PNO1: variants seen among roughly 807,000 people sequenced by gnomAD.
PNO1 encodes the protein partner of NOB1 homolog, also known as RNA-binding protein PNO1.
PNO1 carries 16 observed loss-of-function variants against 28.4 expected under a neutral mutation model. The observed-to-expected ratio is 0.56, with a 90% CI of 0.38 to 0.85. PNO1 has a LOEUF of 0.85. PNO1 is among the 40% of genes least tolerant of loss of function. The pLI, the probability that PNO1 is intolerant of heterozygous loss-of-function variation, is 0.00. For missense variants in PNO1, 304 were observed against 312.2 expected (o/e 0.97, Z 0.20); for synonymous variants, 115 against 110.8 (o/e 1.04, Z -0.24).
At chr2:68,158,311 C>A in intron 1 of PNO1, 69 bp from the exon 2 acceptor site, 1 of 1,472,976 alleles carries the variant, frequency 6.8e-7, no homozygotes, top group Non-Finnish European at 9.2e-7. Context: ...CTTTGTGGAT[C>A]AGATGTCATT....
At chr2:68,160,037 C>T (rs144675826) in intron 2 of PNO1, among the ~76,000 whole-genome samples, 3,649 of 145,736 alleles carry the variant, frequency 0.025, 134 homozygotes, top group African/African-American at 0.085. Flanking sequence ...GTCGCAATCT[C>T]GGCTCACTGC....
At chr2:68,164,104 T>C (rs1444654256) in intron 5 of PNO1, among the ~76,000 whole-genome samples, 1 of 152,220 alleles carries the variant, frequency 6.6e-6, no homozygotes, top group Admixed American at 6.5e-5. Context: ...TATAATTATA[T>C]TGTTTGATCT....
chr2:68,175,203 G>A lies in PNO1; in HGVS notation c.*401G>A, dbSNP rs1269076353. 1 of 153,200 alleles carries A rather than the reference G, an allele frequency of 6.5e-6. No individual in the cohort carries two copies. The allele number at this position is 153,200 out of a possible 1,614,324, so 9.5% of individuals were successfully genotyped here. A position where few individuals can be genotyped will look rare whatever the true frequency, so the allele number is the denominator to read the frequency against. ...TTTCTTTATAAATTGTAATTTAATA[G>A]ATTATCTCAGAAAAACCTCTCTGAA... On this transcript the variant is annotated 3_prime_UTR_variant, in exon 7 of 7. Coordinates refer to ENST00000263657, the MANE Select transcript of PNO1 (RefSeq NM_020143.4).
intron 5 of PNO1, among the ~76,000 whole-genome samples, chr2:68,166,549 TG>T (rs578237535): frequency 1.0e-3 from 155 of 152,202 alleles, no homozygotes; most frequent in Admixed American, 1.8e-3. Flanking sequence ...AGGAGGAAGA[TG>T]TGGAAGGCGA....
chr2:68,168,479 G>C (rs527643548), intron 5 of PNO1, among the ~76,000 whole-genome samples: 1 of 152,224 alleles, frequency 6.6e-6, no homozygotes, highest in South Asian at 2.1e-4. Flanking sequence ...AGGGAAGCTG[G>C]GGTCAATCTG....
At chr2:68,164,970 G>A (rs1020101807) in intron 5 of PNO1, among the ~76,000 whole-genome samples, 16 of 151,914 alleles carry the variant, frequency 1.1e-4, no homozygotes, top group Non-Finnish European at 2.2e-4. Flanking sequence ...AGAGCATTCC[G>A]AGTGTGTACC....
intron 5 of PNO1, among the ~76,000 whole-genome samples, chr2:68,170,532 T>G (rs966937985): frequency 1.4e-4 from 21 of 152,018 alleles, no homozygotes; most frequent in Admixed American, 9.2e-4. Context: ...CGGATCACAA[T>G]GTCAGGAGAT....
intron 5 of PNO1, among the ~76,000 whole-genome samples, chr2:68,167,496 G>C (rs936439401): frequency 6.6e-6 from 1 of 152,188 alleles, no homozygotes; most frequent in Non-Finnish European, 1.5e-5. Flanking sequence ...GGGGTTAGCA[G>C]CTTTATAGAT....
At chr2:68,162,481 C>T (rs748822601) in intron 4 of PNO1, 65 bp from the exon 5 acceptor site, 89 of 1,202,844 alleles carry the variant, frequency 7.4e-5, no homozygotes, top group Non-Finnish European at 9.4e-5. Context: ...TATGATTAAA[C>T]TTTATGTGGA....
rs1293754002 is a variant in PNO1, at chr2:68,175,845, A to G, written c.*1043A>G. The G allele has an allele frequency of 6.6e-6, 1 of 152,230 alleles. No individual in the cohort carries two copies. Among genetic ancestry groups the G allele is most frequent in the African/African-American group, 2.4e-5 (1 of 41,450 alleles). The allele number at this position is 152,230 out of a possible 1,614,324, so 9.4% of individuals were successfully genotyped here. ...GAGTTGAAAATACCAAAAGTCAAACATCATAGCTTAGCCTACCTTAAAAGG... is the reference window on the plus strand; with the variant it reads ...GAGTTGAAAATACCAAAAGTCAAACGTCATAGCTTAGCCTACCTTAAAAGG... On this transcript the variant is annotated 3_prime_UTR_variant, in exon 7 of 7. Coordinates refer to ENST00000263657, the MANE Select transcript of PNO1 (RefSeq NM_020143.4).
intron 2 of PNO1, among the ~76,000 whole-genome samples, chr2:68,160,392 G>A (rs1056162823): frequency 6.6e-6 from 1 of 152,154 alleles, no homozygotes; most frequent in Non-Finnish European, 1.5e-5. Flanking sequence ...CTTTGAAAGA[G>A]GTCCGCTCCT....
intron 6 of PNO1, among the ~76,000 whole-genome samples, 181 bp downstream of exon 6, chr2:68,173,598 T>TC (rs1553402310): frequency 7.3e-5 from 10 of 137,148 alleles, no homozygotes; most frequent in Non-Finnish European, 1.3e-4. Flanking sequence ...TTTTTTTTTT[T>TC]CTGAGCCAGA....
At chr2:68,163,303 G>T (rs1179496088) in intron 5 of PNO1, among the ~76,000 whole-genome samples, 1 of 152,052 alleles carries the variant, frequency 6.6e-6, no homozygotes, top group Non-Finnish European at 1.5e-5. Context: ...AGGCTGAGGC[G>T]GGCGGATCAC....
At chr2:68,166,990 C>T (rs1015401299) in intron 5 of PNO1, among the ~76,000 whole-genome samples, 4 of 152,184 alleles carry the variant, frequency 2.6e-5, no homozygotes, top group African/African-American at 7.2e-5. Flanking sequence ...TTGGCTCTGT[C>T]GTAAATCCTG....
In PNO1 at chr2:68,175,043, C is replaced by T. The variant is rs947897178; in HGVS notation, c.*241C>T. 7 of 389,272 alleles carry T rather than the reference C, an allele frequency of 1.8e-5. No individual in the cohort carries two copies. The highest frequency in any genetic ancestry group is 6.1e-5 in the African/African-American group (3 of 49,434). The allele number at this position is 389,272 out of a possible 1,614,324, so 24.1% of individuals were successfully genotyped here. ...ACTTAACACATTAGGTATAATTTAT[C>T]ATTTATCTGAAATCACATGTAGCAG... is the stretch of plus-strand genomic sequence containing the variant. On this transcript the variant is annotated 3_prime_UTR_variant, in exon 7 of 7. Transcript: ENST00000263657.
intron 5 of PNO1, among the ~76,000 whole-genome samples, chr2:68,168,546 CTTG>C (rs1303492066): frequency 2.6e-5 from 4 of 152,098 alleles, no homozygotes; most frequent in Non-Finnish European, 5.9e-5. Flanking sequence ...AAGGCCAGTG[CTTG>C]TTAAGCTGCT....
At chr2:68,172,417 C>T (rs1052700057) in intron 5 of PNO1, among the ~76,000 whole-genome samples, 9 of 152,098 alleles carry the variant, frequency 5.9e-5, no homozygotes, top group Non-Finnish European at 1.0e-4. Context: ...TAGTTGAAGC[C>T]AGAAGGTGAA....
intron 6 of PNO1, among the ~76,000 whole-genome samples, chr2:68,173,788 G>A (rs374840419): frequency 9.2e-5 from 14 of 151,858 alleles, no homozygotes; most frequent in Middle Eastern, 3.4e-3. Context: ...TCACCATATC[G>A]GCCAGGCTGG....
At chr2:68,162,196 C>A in intron 3 of PNO1, 69 bp from the exon 4 acceptor site, 1 of 1,160,436 alleles carries the variant, frequency 8.6e-7, no homozygotes, top group Non-Finnish European at 1.3e-6. Flanking sequence ...TTCCATAGTG[C>A]TTTGCACTTT....
Sources: gnomAD v4.1 joint callset for allele counts (sites outside exome capture counted in the v4.1 genomes callset) on GRCh38, gnomAD v4.1.1 for gene constraint, MANE v1.5 for transcripts, NCBI Gene and HGNC (gene_info 2026-07-23, HGNC 2026-07-21) for gene names.